SNX29: variants seen among roughly 807,000 people sequenced by gnomAD.
SNX29 encodes sorting nexin-29.
Under a neutral mutation model 102.1 loss-of-function variants are expected in SNX29, and 78 were observed. The observed-to-expected ratio is 0.76, with a 90% CI of 0.64 to 0.92. SNX29 has a LOEUF of 0.92. Among genes scored for constraint, SNX29 ranks in the 40% least tolerant of loss-of-function variants. The pLI is 0.00. For missense variants in SNX29, 1,280 were observed against 1,061.7 expected (o/e 1.21, Z -2.86); for synonymous variants, 580 against 414.5 (o/e 1.40, Z -4.85).
intron 4 of SNX29, among the ~76,000 whole-genome samples, chr16:12,038,448 C>T (rs1378056721): frequency 2.0e-5 from 3 of 152,310 alleles, no homozygotes; most frequent in Non-Finnish European, 2.9e-5. Flanking sequence ...TGTTGGCATT[C>T]GGCTTTCAGG....
chr16:12,493,434 G>C (rs1206306640), intron 19 of SNX29, among the ~76,000 whole-genome samples: 1 of 152,100 alleles, frequency 6.6e-6, no homozygotes, highest in African/African-American at 2.4e-5. Context: ...GGAGATTTTG[G>C]GCTGAGACGA....
intron 13 of SNX29, among the ~76,000 whole-genome samples, chr16:12,134,894 T>C (rs2054604485): frequency 6.6e-6 from 1 of 152,184 alleles, no homozygotes; most frequent in Non-Finnish European, 1.5e-5. Flanking sequence ...TATTGGCTCA[T>C]ATAATTATGG....
intron 13 of SNX29, among the ~76,000 whole-genome samples, chr16:12,185,175 C>G (rs573573073): frequency 3.2e-4 from 49 of 152,256 alleles, no homozygotes; most frequent in African/African-American, 1.1e-3. Flanking sequence ...TAGGGGGTCT[C>G]AAACTGGAAT....
chr16:12,362,575 C>G (rs1343809703), intron 16 of SNX29, among the ~76,000 whole-genome samples: 1 of 76,424 alleles, frequency 1.3e-5, no homozygotes, highest in African/African-American at 4.4e-5. Context: ...CCCCCCCCCA[C>G]CAGTTTCTCC....
intron 7 of SNX29, among the ~76,000 whole-genome samples, chr16:12,051,626 C>T (rs1329475542): frequency 6.6e-6 from 1 of 152,198 alleles, no homozygotes; most frequent in Non-Finnish European, 1.5e-5. Flanking sequence ...AAGATGTGCT[C>T]TGTGGTGTGT....
intron 10 of SNX29, among the ~76,000 whole-genome samples, chr16:12,078,248 G>A (rs1388868715): frequency 6.6e-6 from 1 of 151,768 alleles, no homozygotes; most frequent in Non-Finnish European, 1.5e-5. Context: ...GCTGAGGCAG[G>A]TGGATCACTT....
At chr16:12,558,931 G>C (rs554355557) in intron 20 of SNX29, among the ~76,000 whole-genome samples, 1 of 152,340 alleles carries the variant, frequency 6.6e-6, no homozygotes, top group African/African-American at 2.4e-5. Flanking sequence ...AATCTCATAG[G>C]TGGGTTGATA....
chr16:12,350,684 G>T (rs2081969135), intron 15 of SNX29, among the ~76,000 whole-genome samples: 1 of 152,210 alleles, frequency 6.6e-6, no homozygotes, highest in Non-Finnish European at 1.5e-5. Flanking sequence ...CCTACAAGTA[G>T]GGAATGGCCC....
chr16:12,364,090 T>A (rs1275510349), intron 16 of SNX29, among the ~76,000 whole-genome samples: 1 of 152,206 alleles, frequency 6.6e-6, no homozygotes, highest in East Asian at 1.9e-4. Flanking sequence ...ACTCCTAGAC[T>A]TAAGCAATCC....
chr16:12,130,269 G>A (rs1450370990), intron 13 of SNX29, among the ~76,000 whole-genome samples: 3 of 150,878 alleles, frequency 2.0e-5, no homozygotes, highest in Non-Finnish European at 4.4e-5. Context: ...GAGGTCAGGA[G>A]ATCGAGACCA....
chr16:12,476,415 T>TAA (rs1461196213), intron 18 of SNX29, among the ~76,000 whole-genome samples: 2 of 18,006 alleles, frequency 1.1e-4, no homozygotes, highest in Non-Finnish European at 1.8e-4. Flanking sequence ...TATATATACA[T>TAA]ATATATATAT....
chr16:12,274,008 CT>C (rs1359355978), intron 14 of SNX29, among the ~76,000 whole-genome samples: 3 of 152,158 alleles, frequency 2.0e-5, no homozygotes, highest in Admixed American at 6.5e-5. Flanking sequence ...GTTGTTTATG[CT>C]TTTTTGTTAC....
intron 20 of SNX29, among the ~76,000 whole-genome samples, chr16:12,554,467 C>T (rs1028159103): frequency 6.6e-6 from 1 of 152,232 alleles, no homozygotes; most frequent in African/African-American, 2.4e-5. Context: ...TCCATGGGTC[C>T]TGCACATAGG....
At chr16:12,219,183 C>T (rs567007004) in intron 14 of SNX29, among the ~76,000 whole-genome samples, 3 of 151,766 alleles carry the variant, frequency 2.0e-5, no homozygotes, top group Admixed American at 6.6e-5. Flanking sequence ...TGATTCAAAG[C>T]GTGGGTGCAG....
At chr16:12,189,607 C>G (rs1027106118) in intron 13 of SNX29, among the ~76,000 whole-genome samples, 3 of 152,090 alleles carry the variant, frequency 2.0e-5, no homozygotes, top group African/African-American at 7.2e-5. Flanking sequence ...CTGTTATGCT[C>G]CTTCACTGTG....
At chr16:12,379,981 C>T (rs1342105089) in intron 16 of SNX29, among the ~76,000 whole-genome samples, 1 of 152,106 alleles carries the variant, frequency 6.6e-6, no homozygotes, top group Admixed American at 6.5e-5. Flanking sequence ...TTGAATGTCA[C>T]AGAGCAAGTT....
chr16:11,990,858 A>G (rs1295609869), intron 1 of SNX29, among the ~76,000 whole-genome samples: 2 of 152,160 alleles, frequency 1.3e-5, no homozygotes, highest in African/African-American at 4.8e-5. Flanking sequence ...CTCCGACACT[A>G]TTGTTTTAAT....
chr16:12,407,385 C>G (rs997563581), intron 18 of SNX29, among the ~76,000 whole-genome samples: 1 of 150,046 alleles, frequency 6.7e-6, no homozygotes, highest in Non-Finnish European at 1.5e-5. Flanking sequence ...TCACAGAATT[C>G]TATTTTTCCA....
intron 3 of SNX29, among the ~76,000 whole-genome samples, chr16:12,013,359 A>G (rs2056717918): frequency 6.7e-6 from 1 of 150,100 alleles, no homozygotes. Context: ...GATTATTGTT[A>G]GTGGCCAGGC....
Sources: allele counts gnomAD v4.1 joint callset (sites outside exome capture counted in the v4.1 genomes callset), GRCh38; gene constraint gnomAD v4.1.1; transcripts MANE v1.5; gene names NCBI Gene and HGNC (gene_info 2026-07-23, HGNC 2026-07-21).